Variants in SGCD observed in about 807,000 individuals in gnomAD.
SGCD encodes delta-sarcoglycan.
A neutral mutation model predicts 36.6 loss-of-function variants in SGCD; 18 were observed. The observed-to-expected ratio is 0.49, with a 90% confidence interval of 0.34 to 0.73. SGCD has a LOEUF of 0.73. Ranked by LOEUF, SGCD falls within the 30% of genes least tolerant of loss-of-function variation. The pLI, the probability that SGCD is intolerant of heterozygous loss-of-function variation, is 0.01. For synonymous variants in SGCD, 133 were observed against 130.6 expected (o/e 1.02, Z -0.12); for missense variants, 387 against 346.7 (o/e 1.12, Z -0.92).
At chr5:156,176,975 A>C (rs1196333902) in intron 3 of SGCD, among the ~76,000 whole-genome samples, 1 of 152,184 alleles carries the variant, frequency 6.6e-6, no homozygotes, top group African/African-American at 2.4e-5. Flanking sequence ...TCTAAAACAA[A>C]CAAAAACAAA....
chr5:155,995,986 CAAAAAAAA>C (rs753195795), intron 1 of SGCD, among the ~76,000 whole-genome samples: 3 of 46,272 alleles, frequency 6.5e-5, no homozygotes, highest in South Asian at 9.2e-4. Flanking sequence ...CAGACCACAC[CAAAAAAAA>C]AAAAAAAAAA....
chr5:156,723,335 A>G (rs1755605240), intron 7 of SGCD, among the ~76,000 whole-genome samples: 1 of 152,184 alleles, frequency 6.6e-6, no homozygotes, highest in African/African-American at 2.4e-5. Flanking sequence ...TCTTTGAGCT[A>G]GGTGCCAGAG....
intron 3 of SGCD, among the ~76,000 whole-genome samples, chr5:156,434,127 T>C (rs1753143349): frequency 6.6e-6 from 1 of 152,212 alleles, no homozygotes. Flanking sequence ...AAAGGCAGTA[T>C]GGAAGGTGTG....
At chr5:155,812,028 A>G in the SGCD span, among the ~76,000 whole-genome samples, 1 of 152,262 alleles carries the variant, frequency 6.6e-6, no homozygotes, top group Non-Finnish European at 1.5e-5. Context: ...ATCTATGATT[A>G]GCAAGATATT....
chr5:156,303,062 G>T (rs1767097076), intron 3 of SGCD, among the ~76,000 whole-genome samples: 1 of 152,212 alleles, frequency 6.6e-6, no homozygotes, highest in Non-Finnish European at 1.5e-5. Flanking sequence ...AGGGCAGTTA[G>T]CTGCCCCAAC....
chr5:155,767,528 C>G, the SGCD span, among the ~76,000 whole-genome samples: 41,970 of 152,036 alleles, frequency 0.28, 7,377 homozygotes, highest in East Asian at 0.43. Flanking sequence ...TGATTCAAAT[C>G]CTGTTTTTAA....
chr5:156,569,744 G>A (rs79067539), intron 4 of SGCD, among the ~76,000 whole-genome samples: 264 of 152,212 alleles, frequency 1.7e-3, no homozygotes, highest in African/African-American at 6.0e-3. Flanking sequence ...AAGGCAACCA[G>A]GTGGATATGG....
chr5:156,601,796 G>A (rs890842236), intron 6 of SGCD, among the ~76,000 whole-genome samples: 6 of 152,238 alleles, frequency 3.9e-5, no homozygotes, highest in South Asian at 2.1e-4. Context: ...ACATTCTCCT[G>A]CCTCAGCCTC....
chr5:155,894,469 C>T (rs1756204950), intron 1 of SGCD, among the ~76,000 whole-genome samples: 1 of 152,162 alleles, frequency 6.6e-6, no homozygotes, highest in Admixed American at 6.5e-5. Context: ...TGGTACAAAA[C>T]AGAAGTCCCC....
intron 7 of SGCD, among the ~76,000 whole-genome samples, chr5:156,753,695 G>A (rs944393470): frequency 1.3e-5 from 2 of 152,182 alleles, no homozygotes; most frequent in African/African-American, 4.8e-5. Context: ...AAGGTGGCAG[G>A]AAGGAGAAGT....
chr5:155,749,759 C>T, the SGCD span, among the ~76,000 whole-genome samples: 2 of 152,166 alleles, frequency 1.3e-5, no homozygotes, highest in African/African-American at 2.4e-5. Flanking sequence ...ACTTGGTGTA[C>T]ATTTACTATC....
chr5:156,557,646 T>A (rs1190861594), intron 4 of SGCD, among the ~76,000 whole-genome samples: 1 of 152,158 alleles, frequency 6.6e-6, no homozygotes, highest in Non-Finnish European at 1.5e-5. Flanking sequence ...AAGATTTACT[T>A]TCACTAAATC....
the SGCD span, among the ~76,000 whole-genome samples, chr5:155,750,840 A>G: frequency 6.6e-6 from 1 of 152,098 alleles, no homozygotes; most frequent in South Asian, 2.1e-4. Context: ...GTCATTTGCT[A>G]GTTCATAACA....
chr5:156,307,041 CTTTT>C (rs71577193), intron 3 of SGCD, among the ~76,000 whole-genome samples: 9 of 124,508 alleles, frequency 7.2e-5, no homozygotes, highest in Non-Finnish European at 1.2e-4. Flanking sequence ...TATAAGTTTT[CTTTT>C]TTTTTTTTTT....
intron 7 of SGCD, among the ~76,000 whole-genome samples, chr5:156,671,967 C>G (rs1410516976): frequency 6.6e-6 from 1 of 152,146 alleles, no homozygotes; most frequent in Non-Finnish European, 1.5e-5. Flanking sequence ...AGTGAGAACT[C>G]CACTGTGAAG....
intron 3 of SGCD, among the ~76,000 whole-genome samples, chr5:156,217,617 A>G (rs1764607221): frequency 6.6e-6 from 1 of 152,196 alleles, no homozygotes; most frequent in African/African-American, 2.4e-5. Context: ...TAGTTTAGGT[A>G]AAATGCTGAG....
chr5:156,599,043 TA>T (rs1761055907), intron 6 of SGCD, among the ~76,000 whole-genome samples: 1 of 152,218 alleles, frequency 6.6e-6, no homozygotes, highest in Non-Finnish European at 1.5e-5. Context: ...CTGTCAATGC[TA>T]AAAAGACTTG....
intron 1 of SGCD, among the ~76,000 whole-genome samples, chr5:156,048,668 G>T (rs1020865902): frequency 7.2e-5 from 11 of 151,974 alleles, no homozygotes; most frequent in Non-Finnish European, 1.6e-4. Flanking sequence ...TTTTTGATGG[G>T]GTTGTTTGTT....
chr5:156,451,204 A>G (rs538182889), intron 3 of SGCD, among the ~76,000 whole-genome samples: 9 of 152,100 alleles, frequency 5.9e-5, no homozygotes, highest in African/African-American at 2.2e-4. Context: ...GTCTGGGTTC[A>G]GTGAGGCATT....
Sources: allele counts gnomAD v4.1 joint callset (sites outside exome capture counted in the v4.1 genomes callset), GRCh38; gene constraint gnomAD v4.1.1; transcripts MANE v1.5; gene names NCBI Gene and HGNC (gene_info 2026-07-23, HGNC 2026-07-21).